The following INO80D variants were observed in gnomAD, a reference collection of about 807,000 sequenced individuals.
INO80D encodes INO80 complex subunit D.
Under a neutral mutation model 87.6 loss-of-function variants are expected in INO80D, and 21 were observed. The ratio of observed to expected loss-of-function variants is 0.24; its 90% CI spans 0.17 to 0.35. INO80D has a LOEUF of 0.35. Among genes scored for constraint, INO80D ranks in the 10% least tolerant of loss-of-function variants. The pLI, the probability that INO80D is intolerant of heterozygous loss-of-function variation, is 1.00. For missense variants in INO80D, 982 were observed against 1,280.7 expected, an observed-to-expected ratio of 0.77 and a Z score of 3.56; for synonymous variants, 440 against 491.0, an observed-to-expected ratio of 0.90 and a Z score of 1.37.
chr2:205,999,961 T>C lies in INO80D; in HGVS notation c.*4407A>G, dbSNP rs978647029. ...AAACATCTATGTTCTTTCATATATA[T>C]ATATAAAAAACTCTCCACTCCCGAG... On this transcript the variant is annotated 3_prime_UTR_variant, in exon 11 of 11. Coordinates refer to ENST00000403263, the MANE Select transcript of INO80D (RefSeq NM_017759.5). 2.0e-5 allele frequency: 3 copies of C among 152,184 alleles called. No homozygotes were observed. In the East Asian group the frequency reaches 5.8e-4, roughly 29 times the overall value. 9.4% of individuals were successfully genotyped at this position (152,184 alleles called of 1,614,324 possible).
intron 4 of INO80D, among the ~76,000 whole-genome samples, chr2:206,051,901 C>G (rs1425082484): frequency 2.6e-5 from 4 of 152,184 alleles, no homozygotes; most frequent in Non-Finnish European, 5.9e-5. Context: ...AAACTACAGG[C>G]TCCTTAATTA....
Position 206,056,808 on chromosome 2 carries a change from C to A in INO80D, c.354G>T (p.Leu118Phe), listed in dbSNP as rs764303437. ...TMAFSLTVPTLALKMPNGLDG... is the reference protein window; with the variant it reads ...TMAFSLTVPTFALKMPNGLDG... The stretch of plus-strand genomic sequence containing the variant: ...CCAGTCCGTTGGGCATCTTCAAGGC[C>A]AACGTGGGCACTGTCAGGCTAAAGG... Residue 118 changes from leucine (L) to phenylalanine (F), a missense_variant, in exon 4 of 11, where the codon TTG becomes TTT. Physicochemically the swap from Leu to Phe is conservative, Grantham distance 22 (BLOSUM62 0). Coordinates refer to ENST00000403263, the MANE Select transcript of INO80D (RefSeq NM_017759.5). 1.2e-6 allele frequency: 2 copies of A among 1,612,226 alleles called. No individual in the cohort carries two copies. Among genetic ancestry groups the A allele is most frequent in the African/African-American group, 2.7e-5 (2 of 74,892 alleles).
At chr2:206,079,118 G>T (rs1395220366) in intron 1 of INO80D, among the ~76,000 whole-genome samples, 2 of 151,856 alleles carry the variant, frequency 1.3e-5, no homozygotes, top group Non-Finnish European at 2.9e-5. Flanking sequence ...TGCCACCCAG[G>T]CTGAAGTGCA....
At chr2:206,060,016 C>A (rs1018824187) in intron 3 of INO80D, among the ~76,000 whole-genome samples, 37 of 152,080 alleles carry the variant, frequency 2.4e-4, no homozygotes. Context: ...CAAGCCTGGG[C>A]AACCTAGTAA....
intron 6 of INO80D, among the ~76,000 whole-genome samples, chr2:206,023,840 T>C (rs759643495): frequency 6.6e-6 from 1 of 152,160 alleles, no homozygotes; most frequent in African/African-American, 2.4e-5. Context: ...ACAGGGTCCA[T>C]CTTGCTGTTT....
intron 8 of INO80D, among the ~76,000 whole-genome samples, chr2:206,015,965 T>G (rs550052932): frequency 6.6e-6 from 1 of 152,124 alleles, no homozygotes; most frequent in African/African-American, 2.4e-5. Flanking sequence ...CAGGGGAACC[T>G]CTGCTAGAAT....
intron 5 of INO80D, among the ~76,000 whole-genome samples, chr2:206,037,761 A>G (rs538627830): frequency 1.3e-5 from 2 of 152,350 alleles, no homozygotes; most frequent in Non-Finnish European, 2.9e-5. Flanking sequence ...AATGTATCAA[A>G]ATGATACCGG....
Position 206,030,482 on chromosome 2 carries a change from G to A in INO80D, c.1074-2147C>T, listed in dbSNP as rs1354211870. 6.0e-5 allele frequency among the ~76,000 whole-genome samples: 9 copies of A among 151,206 alleles called. No individual in the cohort carries two copies. The East Asian group carries it at 9.7e-4, about 16-fold the overall frequency. On this transcript the variant is annotated intron_variant, in intron 5 of 10. Coordinates refer to ENST00000403263, the MANE Select transcript of INO80D (RefSeq NM_017759.5). ...TGTCTCAAAAAAAAAAAAGACTGCT[G>A]GAAGTAAAGAAAGGCTTTGCAGAGG...
chr2:206,061,808 G>T (rs886773767), intron 3 of INO80D, among the ~76,000 whole-genome samples: 4 of 152,194 alleles, frequency 2.6e-5, no homozygotes, highest in Non-Finnish European at 5.9e-5. Context: ...TTATGCAAGT[G>T]ACATTTGCTA....
At position 205,995,288 on chromosome 2, in the gene INO80D, G is replaced by C. The variant is rs1687789578; in HGVS notation, c.*9080C>G. 1 of 152,122 alleles carries C rather than the reference G, an allele frequency of 6.6e-6. No homozygotes were observed. The highest frequency in any genetic ancestry group is 2.1e-4 in the South Asian group (1 of 4,834). The allele number at this position is 152,122 out of a possible 1,614,324, so 9.4% of individuals were successfully genotyped here. A position where few individuals can be genotyped will look rare whatever the true frequency, so the allele number is the denominator to read the frequency against. On this transcript the variant is annotated 3_prime_UTR_variant, in exon 11 of 11. Coordinates refer to ENST00000403263, the MANE Select transcript of INO80D (RefSeq NM_017759.5). ...CTTTCTTACTCTCATGGGACAGATG[G>C]CATTTTTAAAATGACAGTCTCCCTT...
chr2:206,032,545 A>G (rs1166986806), intron 5 of INO80D, among the ~76,000 whole-genome samples: 1 of 152,224 alleles, frequency 6.6e-6, no homozygotes, highest in Non-Finnish European at 1.5e-5. Context: ...AAGACGAAGG[A>G]AAGAATCTTA....
rs1689717435 is a variant in INO80D at position 206,062,677 on chromosome 2, A to G, written c.218+122T>C. ...TACCCCCAGAATTCAACATTTATAT[A>G]GGTGGAGGAAGGGAGGGAGGGAGAA... On this transcript the variant is annotated intron_variant, in intron 3 of 10. Transcript: ENST00000403263. The surrounding 1 kb of genome is among the most constrained non-coding windows in gnomAD (Gnocchi z 4.6). 5 of 771,924 alleles carry G rather than the reference A, an allele frequency of 6.5e-6. No individual in the cohort carries two copies. Among genetic ancestry groups the G allele is most frequent in the East Asian group, 2.7e-5 (1 of 36,550 alleles). The allele number at this position is 771,924 out of a possible 1,614,324, so 47.8% of individuals were successfully genotyped here.
chr2:206,022,419 G>T (rs1009970912), intron 6 of INO80D, among the ~76,000 whole-genome samples: 3 of 151,918 alleles, frequency 2.0e-5, no homozygotes, highest in Non-Finnish European at 4.4e-5. Context: ...TGTAATGTTA[G>T]ATATATTTTA....
At position 206,008,443 on chromosome 2, in the gene INO80D, G is replaced by A. The variant is rs1688085612; in HGVS notation, c.1761-1002C>T. Among the ~76,000 whole-genome samples the A allele has an allele frequency of 2.0e-5, 3 of 150,132 alleles. No homozygotes were observed. In the South Asian group the frequency reaches 6.4e-4, roughly 32 times the overall value. ...TTACAGGTGCTCGCCACCACACCCG[G>A]CTAATTTTTGTATTTTTGGTAGAGA... On this transcript the variant is annotated intron_variant, in intron 9 of 10. Coordinates refer to ENST00000403263, the MANE Select transcript of INO80D (RefSeq NM_017759.5).
chr2:206,040,616 A>T (rs1689022079), intron 5 of INO80D: 1 of 252,254 alleles, frequency 4.0e-6, no homozygotes, highest in African/African-American at 2.3e-5. Flanking sequence ...GGCAAAAAGA[A>T]GATTACCAGG....
intron 10 of INO80D, among the ~76,000 whole-genome samples, chr2:206,007,072 C>A (rs564738181): frequency 1.3e-5 from 2 of 152,182 alleles, no homozygotes; most frequent in South Asian, 4.1e-4. Flanking sequence ...AAGTTATAAA[C>A]CTAGTCAGCA....
At position 205,997,754 on chromosome 2, in the gene INO80D, A is replaced by G. The variant is rs1272509836; in HGVS notation, c.*6614T>C. On this transcript the variant is annotated 3_prime_UTR_variant, in exon 11 of 11. Transcript: ENST00000403263. ...ATAAAATGCACATGATATCAGAGCT[A>G]GCCTTTTAACATAAGATAACATAAT... The G allele has an allele frequency of 6.6e-6, 1 of 152,228 alleles. No homozygotes were observed. The highest frequency in any genetic ancestry group is 2.4e-5 in the African/African-American group (1 of 41,476). 9.4% of individuals were successfully genotyped at this position (152,228 alleles called of 1,614,324 possible).
intron 5 of INO80D, among the ~76,000 whole-genome samples, chr2:206,030,665 T>C (rs769051135): frequency 1.3e-5 from 2 of 152,170 alleles, no homozygotes; most frequent in Non-Finnish European, 1.5e-5. Flanking sequence ...GGAATAATGA[T>C]AGGTAAGGTT....
chr2:206,041,196 AT>A (rs1254409487), intron 5 of INO80D, among the ~76,000 whole-genome samples: 1 of 89,684 alleles, frequency 1.1e-5, no homozygotes, highest in East Asian at 3.2e-4. Flanking sequence ...AAGACAGTAA[AT>A]TTAAACCCAA....
Sources: allele counts gnomAD v4.1 joint callset (sites outside exome capture counted in the v4.1 genomes callset), GRCh38; gene constraint gnomAD v4.1.1; non-coding constraint Gnocchi (gnomAD v3.1); transcripts MANE v1.5; gene names NCBI Gene and HGNC (gene_info 2026-07-23, HGNC 2026-07-21).